Variants in KLHL10 observed in about 807,000 individuals in gnomAD.
KLHL10 encodes the protein kelch like family member 10, also known as kelch-like protein 10.
Under a neutral mutation model 46.6 loss-of-function variants are expected in KLHL10, and 11 were observed. That is an observed-to-expected ratio of 0.24 (90% CI 0.15 to 0.39). The LOEUF is 0.39. Ranked by LOEUF, KLHL10 falls within the 10% of genes least tolerant of loss-of-function variation. The probability of loss-of-function intolerance (pLI) is 1.00; values close to 1 mark genes in which losing one functional copy is unlikely to be tolerated. For synonymous variants in KLHL10, 254 were observed against 279.1 expected (o/e 0.91, Z 0.90); for missense variants, 475 against 789.8 (o/e 0.60, Z 4.78).
intron 1 of KLHL10, among the ~76,000 whole-genome samples, chr17:41,839,050 G>A (rs1387434740): frequency 6.6e-6 from 1 of 152,028 alleles, no homozygotes; most frequent in Non-Finnish European, 1.5e-5. Context: ...GGAATGCAGT[G>A]GCGTGATCTC....
chr17:41,836,337 C>T (rs1396937388), upstream of KLHL10: 6 of 1,218,536 alleles, frequency 4.9e-6, no homozygotes, highest in Non-Finnish European at 5.1e-6. Context: ...TCGAGCGGTC[C>T]CGGAGATGGC....
At chr17:41,840,705 TG>T (rs2048217777) in intron 1 of KLHL10, among the ~76,000 whole-genome samples, 1 of 151,994 alleles carries the variant, frequency 6.6e-6, no homozygotes, top group African/African-American at 2.4e-5. Flanking sequence ...TCTTAATTTG[TG>T]GGCAGCATGA....
rs2048256927 is a variant in KLHL10, at chr17:41,844,208, CGG to C, written c.685-917_685-916del. 2.7e-5 allele frequency among the ~76,000 whole-genome samples: 4 copies of C among 150,570 alleles called. No individual in the cohort carries two copies. In the South Asian group the frequency reaches 8.6e-4, roughly 32 times the overall value. The stretch of plus-strand genomic sequence containing the variant: ...CAGAGTAGCTGGGACTACAGGCACG[CGG>C]CACCATGCCTGGCTAATTTTTTTTT... On this transcript the variant is annotated intron_variant, in intron 2 of 4. Coordinates refer to ENST00000293303, the MANE Select transcript of KLHL10 (RefSeq NM_152467.5).
At chr17:41,844,088 C>T (rs1555621016) in intron 2 of KLHL10, among the ~76,000 whole-genome samples, 1 of 150,348 alleles carries the variant, frequency 6.7e-6, no homozygotes, top group East Asian at 2.0e-4. Flanking sequence ...TGAGACAAGT[C>T]TCACTCTGTC....
At chr17:41,839,277 A>G (rs1381518293) in intron 1 of KLHL10, among the ~76,000 whole-genome samples, 4 of 152,242 alleles carry the variant, frequency 2.6e-5, no homozygotes, top group African/African-American at 9.6e-5. Context: ...GGCATGAGCC[A>G]CTGCACCCAG....
chr17:41,848,002 C>G lies in KLHL10; in HGVS notation c.1522C>G (p.Arg508Gly). Residue 508 changes from arginine to glycine, a missense_variant, in exon 5 of 5, where the codon CGC (arginine) becomes GGC (glycine). Physicochemically the swap from Arg to Gly is moderately radical, Grantham distance 125 (BLOSUM62 -2). Coordinates refer to ENST00000293303, the MANE Select transcript of KLHL10 (RefSeq NM_152467.5). ...CTACAGCCCTGTGGCTAACACTTGG[C>G]GCACAATCCCCACTATGTTTAATCC... Reference protein sequence around the residue: ...EAYSPVANTWRTIPTMFNPRS... With the variant: ...EAYSPVANTWGTIPTMFNPRS... The G allele has an allele frequency of 1.2e-6, 2 of 1,614,188 alleles. No homozygotes were observed. The highest frequency in any genetic ancestry group is 4.5e-5 in the East Asian group (2 of 44,886).
chr17:41,842,333 C>G, intron 2 of KLHL10, 21 bp downstream of exon 2: 1 of 1,613,146 alleles, frequency 6.2e-7, no homozygotes. Flanking sequence ...ACTCTTGATT[C>G]ATTTATCACA....
At position 41,841,864 on chromosome 17, in the gene KLHL10, T is replaced by C. The variant is rs782336501; in HGVS notation, c.236T>C (p.Val79Ala). 1 of 1,614,082 alleles carries C rather than the reference T, an allele frequency of 6.2e-7. No homozygotes were observed. Among genetic ancestry groups the C allele is most frequent in the Non-Finnish European group, 8.5e-7 (1 of 1,180,044 alleles). ...GGCTGGAACAACACTGAAAAGAAGG[T>C]ATACAACATCCCTGGCATTTCTCCC... ...TSGWNNTEKKVYNIPGISPDM... is the reference protein window; with the variant it reads ...TSGWNNTEKKAYNIPGISPDM... The change falls in exon 2 of 5, where the codon GTA (valine) becomes GCA (alanine). Residue 79 changes from valine to alanine, a missense_variant. Val to Ala is a moderately conservative substitution (Grantham distance 64). Coordinates refer to ENST00000293303, the MANE Select transcript of KLHL10 (RefSeq NM_152467.5).
intron 1 of KLHL10, among the ~76,000 whole-genome samples, chr17:41,840,332 A>AT (rs1251633687): frequency 1.7e-4 from 26 of 152,074 alleles, no homozygotes; most frequent in African/African-American, 6.0e-4. Flanking sequence ...TATTCTTTTG[A>AT]TTTTTTCCCC....
chr17:41,844,954 G>C (rs1475907061), intron 2 of KLHL10, among the ~76,000 whole-genome samples, 172 bp from the exon 3 acceptor site: 1 of 152,148 alleles, frequency 6.6e-6, no homozygotes, highest in African/African-American at 2.4e-5. Context: ...CAAAGTGCTG[G>C]GATTATGGTG....
At chr17:41,835,930 G>A (rs1555619894), upstream of KLHL10, 2 of 1,601,378 alleles carry the variant, frequency 1.2e-6, no homozygotes, top group Non-Finnish European at 1.7e-6. Context: ...TGCCGCATCA[G>A]GACCGTGGCC....
intron 3 of KLHL10, 118 bp downstream of exon 3, chr17:41,845,861 T>C: frequency 5.5e-6 from 7 of 1,277,952 alleles, no homozygotes; most frequent in Non-Finnish European, 7.7e-6. Flanking sequence ...GGAGTACTCA[T>C]TCTTTCTTCA....
upstream of KLHL10, chr17:41,837,803 CT>C: frequency 3.9e-6 from 6 of 1,520,154 alleles, no homozygotes; most frequent in Non-Finnish European, 5.3e-6. Flanking sequence ...GATTCTGGAA[CT>C]TGGGTTGCCT....
chr17:41,839,211 C>T (rs75952386), intron 1 of KLHL10, among the ~76,000 whole-genome samples: 6,877 of 152,162 alleles, frequency 0.045, 181 homozygotes, highest in East Asian at 0.11. Flanking sequence ...AGTCTGGTCT[C>T]GAACACCTGA....
chr17:41,835,846 GCCC>G (rs1555619853), upstream of KLHL10: 34 of 1,601,022 alleles, frequency 2.1e-5, no homozygotes, highest in Non-Finnish European at 2.9e-5. Flanking sequence ...GCCCCCGCAC[GCCC>G]CAGAGGTACC....
chr17:41,839,094 C>T (rs1555620479), intron 1 of KLHL10, among the ~76,000 whole-genome samples: 1 of 152,290 alleles, frequency 6.6e-6, no homozygotes, highest in East Asian at 1.9e-4. Flanking sequence ...CAGGCTCAAG[C>T]GATTCTTCTG....
chr17:41,842,393 T>A, intron 2 of KLHL10, 81 bp downstream of exon 2: 1 of 1,537,412 alleles, frequency 6.5e-7, no homozygotes, highest in Non-Finnish European at 9.0e-7. Context: ...ATCCCAAGGC[T>A]GTATTTACAT....
intron 1 of KLHL10, among the ~76,000 whole-genome samples, chr17:41,839,791 C>A (rs1184594335): frequency 6.6e-6 from 1 of 152,178 alleles, no homozygotes; most frequent in African/African-American, 2.4e-5. Flanking sequence ...CAGCTCACTG[C>A]AACCTCCACC....
chr17:41,837,192 G>A (rs1376659978), upstream of KLHL10, among the ~76,000 whole-genome samples: 2 of 152,096 alleles, frequency 1.3e-5, no homozygotes, highest in Non-Finnish European at 2.9e-5. Context: ...TTGAGATGGA[G>A]TCTCACTCTG....
Sources: gnomAD v4.1 joint callset for allele counts (sites outside exome capture counted in the v4.1 genomes callset) on GRCh38, gnomAD v4.1.1 for gene constraint, MANE v1.5 for transcripts, NCBI Gene and HGNC (gene_info 2026-07-23, HGNC 2026-07-21) for gene names.